ARHGEF12: variants seen among roughly 807,000 people sequenced by gnomAD.
The protein encoded by ARHGEF12 is KMT2A/ARHGEF12 fusion protein.
ARHGEF12 carries 66 observed loss-of-function variants against 211.2 expected under a neutral mutation model. The ratio of observed to expected loss-of-function variants is 0.31; its 90% CI spans 0.26 to 0.38. The LOEUF is 0.38. Ranked by LOEUF, ARHGEF12 falls within the 10% of genes least tolerant of loss-of-function variation. The pLI is 1.00. For missense variants in ARHGEF12, 1,429 were observed against 1,869.5 expected, an observed-to-expected ratio of 0.76 and a Z score of 4.34; for synonymous variants, 592 against 638.4, an observed-to-expected ratio of 0.93 and a Z score of 1.09.
intron 1 of ARHGEF12, among the ~76,000 whole-genome samples, chr11:120,404,312 G>T (rs984447915): frequency 1.3e-5 from 2 of 152,132 alleles, no homozygotes; most frequent in African/African-American, 4.8e-5. Flanking sequence ...GAGAACTAAT[G>T]AAATAGCCAA....
intron 39 of ARHGEF12, 21 bp from the exon 40 acceptor site, chr11:120,484,417 C>T: frequency 6.2e-7 from 1 of 1,608,444 alleles, no homozygotes; most frequent in Non-Finnish European, 8.5e-7. Context: ...GAATAAAAAA[C>T]CTATGGGTTT....
At chr11:120,389,614 A>C (rs1327106163) in intron 1 of ARHGEF12, among the ~76,000 whole-genome samples, 4 of 152,176 alleles carry the variant, frequency 2.6e-5, no homozygotes, top group Non-Finnish European at 5.9e-5. Context: ...CAAACAATCC[A>C]GTTGTACTCT....
intron 39 of ARHGEF12, among the ~76,000 whole-genome samples, chr11:120,484,061 A>G (rs1947333281): frequency 6.6e-6 from 1 of 152,142 alleles, no homozygotes; most frequent in Non-Finnish European, 1.5e-5. Flanking sequence ...CACCCATAAT[A>G]ATCTTAAGGG....
chr11:120,441,240 T>G (rs1329548533), intron 13 of ARHGEF12, among the ~76,000 whole-genome samples: 1 of 152,120 alleles, frequency 6.6e-6, no homozygotes, highest in African/African-American at 2.4e-5. Flanking sequence ...TTTACATTAT[T>G]ATTGTTTTCT....
intron 1 of ARHGEF12, among the ~76,000 whole-genome samples, chr11:120,353,022 A>C (rs1030967867): frequency 2.0e-5 from 3 of 152,208 alleles, no homozygotes; most frequent in Non-Finnish European, 4.4e-5. Context: ...AGAATCTAAG[A>C]GTCCAGCAAG....
At chr11:120,458,403 T>A (rs957236265) in intron 25 of ARHGEF12, 169 bp downstream of exon 25, 1 of 636,540 alleles carries the variant, frequency 1.6e-6, no homozygotes, top group African/African-American at 1.9e-5. Context: ...AATGCAAATG[T>A]TTCTCTGATT....
chr11:120,355,926 C>G (rs1452933117), intron 1 of ARHGEF12, among the ~76,000 whole-genome samples: 1 of 152,094 alleles, frequency 6.6e-6, no homozygotes, highest in Non-Finnish European at 1.5e-5. Flanking sequence ...ATGAGCCCTA[C>G]AACATTCAGG....
At chr11:120,354,258 CA>C (rs1183535350) in intron 1 of ARHGEF12, among the ~76,000 whole-genome samples, 1 of 152,154 alleles carries the variant, frequency 6.6e-6, no homozygotes. Flanking sequence ...AAAGAGGGCT[CA>C]GTCCTACCCC....
intron 4 of ARHGEF12, chr11:120,411,092 T>C (rs1218770865): frequency 6.6e-6 from 1 of 152,186 alleles, no homozygotes. Context: ...GATAGAAACA[T>C]TAATACTAGT....
At position 120,487,635 on chromosome 11, in the gene ARHGEF12, A is replaced by G. The variant is rs1000027167; in HGVS notation, c.*2558A>G. ...GTGACGTGACTAGAAGTTGAAATCT[A>G]CTTCCCTGCTAAAGGGCACAGGGGT... On this transcript the variant is annotated 3_prime_UTR_variant, in exon 41 of 41. Transcript: ENST00000397843. 4.6e-6 allele frequency: 1 copy of G among 215,446 alleles called. No individual in the cohort carries two copies. Among genetic ancestry groups the G allele is most frequent in the African/African-American group, 2.3e-5 (1 of 44,292 alleles). 13.3% of individuals were successfully genotyped at this position (215,446 alleles called of 1,614,324 possible). A position where few individuals can be genotyped will look rare whatever the true frequency, so the allele number is the denominator to read the frequency against.
At chr11:120,443,755 A>G (rs989879007) in intron 15 of ARHGEF12, among the ~76,000 whole-genome samples, 3 of 152,218 alleles carry the variant, frequency 2.0e-5, no homozygotes, top group Non-Finnish European at 2.9e-5. Flanking sequence ...TCAACTAACC[A>G]TGGTTGAAAA....
Position 120,445,696 on chromosome 11 carries a change from C to T in ARHGEF12, c.1345+232C>T, listed in dbSNP as rs180855289. On this transcript the variant is annotated intron_variant, in intron 16 of 40. Coordinates refer to ENST00000397843, the MANE Select transcript of ARHGEF12 (RefSeq NM_015313.3). ...GGTGGATTACCTGAGGTCAAGAGTT[C>T]GAGACCAGCCTTGCCAACATGGTGG... Among the ~76,000 whole-genome samples, 14 of 151,742 alleles carry T rather than the reference C, an allele frequency of 9.2e-5. 1 individual carries two copies. In the East Asian group the frequency reaches 2.3e-3, roughly 25 times the overall value.
Position 120,480,075 on chromosome 11 carries a change from C to G in ARHGEF12, c.3882C>G (p.Asp1294Glu), listed in dbSNP as rs1354384872. 1 of 1,614,218 alleles carries G rather than the reference C, an allele frequency of 6.2e-7. No individual in the cohort carries two copies. Among genetic ancestry groups the G allele is most frequent in the Admixed American group, 1.7e-5 (1 of 60,028 alleles). Reference protein sequence around the residue: ...YRTASQGPQTDSVIQNSENIK... With the variant: ...YRTASQGPQTESVIQNSENIK... ...CAGCCTCTCAGGGGCCGCAGACAGA[C>G]AGTGTCATCCAGAACTCTGAAAATA... Residue 1294 changes from aspartate to glutamate, a missense_variant, in exon 38 of 41, where the codon GAC (aspartate) becomes GAG (glutamate). Around this residue, in one of 7 missense-constraint regions of ARHGEF12, gnomAD observed 467 missense variants for 468.4 expected, o/e 1.00. Coordinates refer to ENST00000397843, the MANE Select transcript of ARHGEF12 (RefSeq NM_015313.3).
chr11:120,442,437 CACACACACACACACACACATATATAT>C (rs1391040557), intron 15 of ARHGEF12, among the ~76,000 whole-genome samples: 101 of 133,366 alleles, frequency 7.6e-4, no homozygotes, highest in African/African-American at 2.5e-3. Context: ...TACACACACA[CACACACACACACACACACATATATAT>C]ACACACACAC....
intron 1 of ARHGEF12, among the ~76,000 whole-genome samples, chr11:120,362,973 G>A (rs1469259533): frequency 2.0e-5 from 3 of 152,160 alleles, no homozygotes; most frequent in African/African-American, 4.8e-5. Flanking sequence ...GGTGGCAGGC[G>A]CCTGTAGTCC....
At chr11:120,386,797 C>T (rs995801935) in intron 1 of ARHGEF12, among the ~76,000 whole-genome samples, 5 of 152,024 alleles carry the variant, frequency 3.3e-5, no homozygotes, top group African/African-American at 1.2e-4. Context: ...TTAGTCCAAA[C>T]AAGCAAACAA....
intron 23 of ARHGEF12, 156 bp downstream of exon 23, chr11:120,457,406 A>G (rs1264633948): frequency 3.4e-6 from 3 of 888,672 alleles, no homozygotes; most frequent in South Asian, 2.5e-5. Flanking sequence ...AGGAGAATCA[A>G]TCACTTAAAC....
At chr11:120,404,057 A>C (rs1944620395) in intron 1 of ARHGEF12, among the ~76,000 whole-genome samples, 1 of 152,154 alleles carries the variant, frequency 6.6e-6, no homozygotes, top group Non-Finnish European at 1.5e-5. Context: ...ATTCTCAATC[A>C]TGCAGATGCT....
intron 24 of ARHGEF12, 113 bp downstream of exon 24, chr11:120,457,869 T>C: frequency 1.6e-6 from 2 of 1,250,082 alleles, no homozygotes; most frequent in East Asian, 2.5e-5. Context: ...ATCTGTTATG[T>C]AGTATAAAAG....
Sources: allele counts gnomAD v4.1 joint callset (sites outside exome capture counted in the v4.1 genomes callset), GRCh38; gene constraint gnomAD v4.1.1; regional missense constraint gnomAD v4.1.1; transcripts MANE v1.5; gene names NCBI Gene and HGNC (gene_info 2026-07-23, HGNC 2026-07-21).